GLYR1: variants seen among roughly 807,000 people sequenced by gnomAD.
GLYR1 encodes the protein glyoxylate reductase 1 homolog.
In GLYR1, 21 loss-of-function variants were observed where a neutral mutation model predicts 72.7. That is an observed-to-expected ratio of 0.29 (90% CI 0.20 to 0.42). The LOEUF (loss-of-function observed/expected upper bound fraction) is 0.42. Ranked by LOEUF, GLYR1 falls within the 10% of genes least tolerant of loss-of-function variation. The probability of loss-of-function intolerance (pLI) is 1.00; values close to 1 mark genes in which losing one functional copy is unlikely to be tolerated. For synonymous variants in GLYR1, 392 were observed against 270.2 expected (o/e 1.45, Z -4.42); for missense variants, 594 against 712.1 (o/e 0.83, Z 1.89).
Position 4,806,230 on chromosome 16 carries a change from C to A in GLYR1, c.1588-920G>T, listed in dbSNP as rs116781256. Among the ~76,000 whole-genome samples, 1,192 of 152,118 alleles carry A rather than the reference C, an allele frequency of 7.8e-3. 11 individuals are homozygous for A. Among genetic ancestry groups the A allele is most frequent in the African/African-American group, 0.028 (1,141 of 41,480 alleles). ...GCAGTGCTTGGATAGCCCCCCCACACAGAATGGCAGCAGTGCCGAGGTTGA... is the reference window on the plus strand; with the variant it reads ...GCAGTGCTTGGATAGCCCCCCCACAAAGAATGGCAGCAGTGCCGAGGTTGA... On this transcript the variant is annotated intron_variant, in intron 15 of 15. Coordinates refer to ENST00000321919, the MANE Select transcript of GLYR1 (RefSeq NM_032569.4).
In GLYR1 at chr16:4,825,825, T is replaced by A. The variant is rs942825595; in HGVS notation, c.538-1918A>T. Among the ~76,000 whole-genome samples, 5 of 151,998 alleles carry A rather than the reference T, an allele frequency of 3.3e-5. No individual in the cohort carries two copies. The Middle Eastern group carries it at 0.01, about 314-fold the overall frequency. ...CGGCCACCATGCCCAGCTAATTTTT[T>A]GTATTTTTAGTAGAGACGGGGTTTC... is the stretch of plus-strand genomic sequence containing the variant. On this transcript the variant is annotated intron_variant, in intron 5 of 15. Transcript: ENST00000321919.
intron 9 of GLYR1, among the ~76,000 whole-genome samples, chr16:4,818,262 G>A (rs551950624): frequency 5.3e-5 from 8 of 152,246 alleles, no homozygotes; most frequent in Non-Finnish European, 7.4e-5. Context: ...CAAAGTGCTC[G>A]GATTACAGGC....
Position 4,828,746 on chromosome 16 carries a change from A to G in GLYR1, c.537+3233T>C, listed in dbSNP as rs140600523. Among the ~76,000 whole-genome samples the G allele has an allele frequency of 4.1e-4, 63 of 152,212 alleles. 1 individual carries two copies. Among genetic ancestry groups the G allele is most frequent in the African/African-American group, 1.5e-3 (62 of 41,552 alleles). On this transcript the variant is annotated intron_variant, in intron 5 of 15. Transcript: ENST00000321919. ...ATTTAACTAACACAGTGAACCTAGG[A>G]GGCACGTACTGTTGTAATTCCTAAC...
chr16:4,824,476 G>C (rs1163260555), intron 5 of GLYR1, among the ~76,000 whole-genome samples: 1 of 136,332 alleles, frequency 7.3e-6, no homozygotes, highest in Non-Finnish European at 1.5e-5. Flanking sequence ...CTCCAGCCTG[G>C]AGACAGAGCA....
chr16:4,825,859 A>G (rs1029298495), intron 5 of GLYR1, among the ~76,000 whole-genome samples: 1 of 151,916 alleles, frequency 6.6e-6, no homozygotes, highest in Non-Finnish European at 1.5e-5. Flanking sequence ...TCACCATGTT[A>G]GCCAGGATGG....
intron 11 of GLYR1, among the ~76,000 whole-genome samples, chr16:4,814,328 C>T (rs1183358174): frequency 6.6e-6 from 1 of 152,192 alleles, no homozygotes; most frequent in Non-Finnish European, 1.5e-5. Flanking sequence ...ACTTCAAGGG[C>T]CCTAGTAGTG....
intron 5 of GLYR1, among the ~76,000 whole-genome samples, chr16:4,825,499 T>C (rs1438124580): frequency 6.6e-6 from 1 of 152,238 alleles, no homozygotes; most frequent in Non-Finnish European, 1.5e-5. Context: ...GACCTCTTTT[T>C]ATGTTTGCCC....
chr16:4,805,012 A>T lies in GLYR1; in HGVS notation c.*224T>A. 9 of 549,168 alleles carry T rather than the reference A, an allele frequency of 1.6e-5. No homozygotes were observed. Among genetic ancestry groups the T allele is most frequent in the Non-Finnish European group, 2.3e-5 (7 of 302,140 alleles). 34.0% of individuals were successfully genotyped at this position (549,168 alleles called of 1,614,324 possible). On this transcript the variant is annotated 3_prime_UTR_variant, in exon 16 of 16. Transcript: ENST00000321919. ...CGTCCGGGGGGCCAGTGCCCAGCTC[A>T]AGAGCTTTCCCACACGCCAATCCTG...
intron 13 of GLYR1, 140 bp from the exon 14 acceptor site, chr16:4,811,942 C>T: frequency 1.4e-6 from 2 of 1,412,842 alleles, no homozygotes; most frequent in Non-Finnish European, 1.9e-6. Flanking sequence ...GCTCTTCCTC[C>T]TTCCACGCAC....
In GLYR1 at chr16:4,803,568, T is replaced by TCCCCCG. The variant is rs2082806515; in HGVS notation, c.*1662_*1667dup. ...ACTAACCGGTTTCATTACCGCATCT[T>TCCCCCG]CCCCCGCCCCCACCCCCAGTGTGTT... On this transcript the variant is annotated 3_prime_UTR_variant, in exon 16 of 16. Coordinates refer to ENST00000321919, the MANE Select transcript of GLYR1 (RefSeq NM_032569.4). The TCCCCCG allele has an allele frequency of 6.6e-6, 1 of 152,072 alleles. No individual in the cohort carries two copies. The highest frequency in any genetic ancestry group is 1.5e-5 in the Non-Finnish European group (1 of 67,944). The allele number at this position is 152,072 out of a possible 1,614,324, so 9.4% of individuals were successfully genotyped here. A position where few individuals can be genotyped will look rare whatever the true frequency, so the allele number is the denominator to read the frequency against.
chr16:4,805,799 A>C (rs1375918996), intron 15 of GLYR1, among the ~76,000 whole-genome samples: 2 of 151,924 alleles, frequency 1.3e-5, no homozygotes, highest in African/African-American at 4.8e-5. Context: ...ACCGTCGTGA[A>C]ACCCCTTCTT....
intron 1 of GLYR1, 78 bp downstream of exon 1, chr16:4,847,150 C>T: frequency 1.4e-6 from 2 of 1,379,782 alleles, no homozygotes; most frequent in Non-Finnish European, 2.0e-6. Context: ...AAAGGCAGCT[C>T]CAGGGCCGGC....
intron 1 of GLYR1, among the ~76,000 whole-genome samples, chr16:4,846,507 C>CA (rs1413579843): frequency 6.6e-6 from 1 of 152,262 alleles, no homozygotes; most frequent in Non-Finnish European, 1.5e-5. Context: ...TCTGTAAACA[C>CA]AGACTTTCCC....
chr16:4,813,687 G>C lies in GLYR1; in HGVS notation c.1119+50C>G, dbSNP rs371191180. 8.8e-5 allele frequency: 129 copies of C among 1,469,332 alleles called. No individual in the cohort carries two copies. The African/African-American group carries it at 1.7e-3, about 19-fold the overall frequency. 91.0% of individuals were successfully genotyped at this position (1,469,332 alleles called of 1,614,324 possible). ...GCCCACTCTTGTAAGCCTGGGTCTT[G>C]GGCTCTGATAGAAAAGATGCTGGAG... On this transcript the variant is annotated intron_variant, in intron 12 of 15. Coordinates refer to ENST00000321919, the MANE Select transcript of GLYR1 (RefSeq NM_032569.4).
rs1364222190 is a variant in GLYR1 at position 4,847,214 on chromosome 16, C to A, written c.38+14G>T. ...CCCCGGCGCGTCTCGGTTGGCCCGG[C>A]CGCTCGGACTCACCACACCAAGTCG... On this transcript the variant is annotated intron_variant, in intron 1 of 15. Transcript: ENST00000321919. 4 of 1,601,194 alleles carry A rather than the reference C, an allele frequency of 2.5e-6. No individual in the cohort carries two copies. Among genetic ancestry groups the A allele is most frequent in the African/African-American group, 1.3e-5 (1 of 74,314 alleles).
At chr16:4,821,339 A>G (rs1474674779) in intron 9 of GLYR1, 41 bp downstream of exon 9, 8 of 1,604,724 alleles carry the variant, frequency 5.0e-6, no homozygotes, top group Non-Finnish European at 6.8e-6. Context: ...CACCCTCAGC[A>G]GAACCAGAGC....
At position 4,832,102 on chromosome 16, in the gene GLYR1, C is replaced by A; in HGVS notation, c.414G>T (p.Lys138Asn). Reference protein sequence around the residue: ...KLSLSEGKVKKNMGEGKKRVS... With the variant: ...KLSLSEGKVKNNMGEGKKRVS... The stretch of plus-strand genomic sequence containing the variant: ...CCCTCTTCTTTCCTTCTCCCATGTT[C>A]TTCTTCACCTTCCCTTCAGACAGGC... Residue 138 changes from lysine (K) to asparagine (N), a missense_variant, in exon 5 of 16, where the codon AAG (lysine) becomes AAT (asparagine). Transcript: ENST00000321919. 6.2e-7 allele frequency: 1 copy of A among 1,614,226 alleles called. No homozygotes were observed. The highest frequency in any genetic ancestry group is 8.5e-7 in the Non-Finnish European group (1 of 1,180,046).
In GLYR1 at chr16:4,811,652, G is replaced by C. The variant is rs2083328281; in HGVS notation, c.1433C>G (p.Ala478Gly). Residue 478 changes from alanine (A) to glycine (G), a missense_variant, in exon 14 of 16, where the codon GCC (alanine) becomes GGC (glycine). Transcript: ENST00000321919. ...GCACTTCTGGTCCAGGAAGATGCTG[G>C]CCAACTGTCCCTGATTGAGGATGTC... The part of the protein sequence containing the change: ...LLDILNQGQL[A>G]SIFLDQKCQN... 1 of 1,614,102 alleles carries C rather than the reference G, an allele frequency of 6.2e-7. No individual in the cohort carries two copies. Among genetic ancestry groups the C allele is most frequent in the Non-Finnish European group, 8.5e-7 (1 of 1,180,034 alleles).
intron 3 of GLYR1, among the ~76,000 whole-genome samples, chr16:4,838,828 C>A (rs982990718): frequency 2.0e-5 from 3 of 152,110 alleles, no homozygotes; most frequent in African/African-American, 7.2e-5. Context: ...ACCTCGTGAT[C>A]CGCCTGACTT....
Sources: allele counts gnomAD v4.1 joint callset (sites outside exome capture counted in the v4.1 genomes callset), GRCh38; gene constraint gnomAD v4.1.1; transcripts MANE v1.5; gene names NCBI Gene and HGNC (gene_info 2026-07-23, HGNC 2026-07-21).